The following NPM2 variants were observed in gnomAD, a reference collection of about 807,000 sequenced individuals.
The protein encoded by NPM2 is nucleoplasmin-2.
Under a neutral mutation model 32.0 loss-of-function variants are expected in NPM2, and 25 were observed. The observed-to-expected ratio is 0.78, with a 90% CI of 0.57 to 1.09. The LOEUF (loss-of-function observed/expected upper bound fraction) is 1.09, where lower values mean the gene tolerates loss of function less well. Among genes scored for constraint, NPM2 ranks in the 50% least tolerant of loss-of-function variants. The pLI, the probability that NPM2 is intolerant of heterozygous loss-of-function variation, is 0.00. For synonymous variants in NPM2, 111 were observed against 94.2 expected, an observed-to-expected ratio of 1.18 and a Z score of -1.04; for missense variants, 282 against 259.9, an observed-to-expected ratio of 1.08 and a Z score of -0.58.
intron 4 of NPM2, 56 bp downstream of exon 4, chr8:22,025,577 A>C (rs180812615): frequency 6.2e-6 from 10 of 1,613,724 alleles, no homozygotes; most frequent in Non-Finnish European, 6.8e-6. Context: ...TCTGGTCCCA[A>C]CGGAGGGCTA....
At chr8:22,025,014 C>T (rs1800185680) in intron 2 of NPM2, 184 bp downstream of exon 2, 1 of 544,028 alleles carries the variant, frequency 1.8e-6, no homozygotes, top group South Asian at 2.5e-5. Context: ...CCTGTACGCG[C>T]CCGGTCGAGC....
chr8:22,036,738 A>G lies in NPM2; in HGVS notation c.*56A>G. 6.7e-7 allele frequency: 1 copy of G among 1,491,618 alleles called. No individual in the cohort carries two copies. 92.4% of individuals were successfully genotyped at this position (1,491,618 alleles called of 1,614,324 possible). ...GTGGGCCTTCCCTGGGCTGTGCTGC[A>G]GGCACAGGGTGCCCCTGTCCAGCCC... On this transcript the variant is annotated 3_prime_UTR_variant, in exon 10 of 10. Coordinates refer to ENST00000518119, the MANE Select transcript of NPM2 (RefSeq NM_001286680.2).
rs377061270 is a variant in NPM2 at position 22,024,575 on chromosome 8, G to C, written c.-189G>C. 2 of 152,468 alleles carry C rather than the reference G, an allele frequency of 1.3e-5. No individual in the cohort carries two copies. Among genetic ancestry groups the C allele is most frequent in the African/African-American group, 4.8e-5 (2 of 41,474 alleles). The allele number at this position is 152,468 out of a possible 1,614,324, so 9.4% of individuals were successfully genotyped here. A position where few individuals can be genotyped will look rare whatever the true frequency, so the allele number is the denominator to read the frequency against. On this transcript the variant is annotated 5_prime_UTR_variant, in exon 1 of 10. Coordinates refer to ENST00000518119, the MANE Select transcript of NPM2 (RefSeq NM_001286680.2). ...CGGCCCCACCCAGACCGACGCCAAG[G>C]GCAGCTGTGGAGTGGGGCGCGGCAA...
intron 5 of NPM2, among the ~76,000 whole-genome samples, chr8:22,026,166 C>T (rs1308140422): frequency 1.3e-5 from 2 of 152,070 alleles, no homozygotes; most frequent in African/African-American, 4.8e-5. Context: ...GCTGTGCGTG[C>T]GAGGGGTCTA....
At chr8:22,026,150 T>C (rs75168684) in intron 5 of NPM2, among the ~76,000 whole-genome samples, 5,789 of 152,152 alleles carry the variant, frequency 0.038, 356 homozygotes, top group African/African-American at 0.13. Flanking sequence ...ATGAACCCTA[T>C]GGTAAGCTGT....
intron 5 of NPM2, among the ~76,000 whole-genome samples, 181 bp downstream of exon 5, chr8:22,025,953 T>G (rs1800236393): frequency 6.6e-6 from 1 of 152,092 alleles, no homozygotes; most frequent in Non-Finnish European, 1.5e-5. Flanking sequence ...TGTGTGACCT[T>G]GGGCCAGTTA....
chr8:22,031,403 C>T (rs971791447), intron 5 of NPM2, among the ~76,000 whole-genome samples: 1 of 152,182 alleles, frequency 6.6e-6, no homozygotes, highest in Non-Finnish European at 1.5e-5. Context: ...CTCCTCCTTG[C>T]CTGAGCCCAA....
rs775980336 is a variant in NPM2 at position 22,034,258 on chromosome 8, C to T, written c.514C>T (p.Gln172Ter). Residue 172 changes from glutamine (Q) to a stop codon, truncating the protein, a stop_gained, in exon 7 of 10, where the codon CAG (glutamine) becomes TAG (stop). Coordinates refer to ENST00000518119, the MANE Select transcript of NPM2 (RefSeq NM_001286680.2). LOFTEE classifies it high-confidence loss of function. ...AGTCAAAAGGCTGGTGCCCCAGAAG[C>T]AGGCGAGCGTGGCTAAGGTGGGGGA... is the stretch of plus-strand genomic sequence containing the variant. ...KQVKRLVPQKQASVAKKKKLE... is the reference protein window; with the variant it reads ...KQVKRLVPQK The T allele has an allele frequency of 8.8e-6, 14 of 1,596,708 alleles. No homozygotes were observed. In the South Asian group the frequency reaches 1.6e-4, roughly 18 times the overall value.
At chr8:22,025,831 G>C (rs1800231705) in intron 5 of NPM2, 59 bp downstream of exon 5, 25 of 1,605,504 alleles carry the variant, frequency 1.6e-5, no homozygotes, top group Admixed American at 5.0e-5. Context: ...CCCTTGGGTG[G>C]GGATGGACAC....
At chr8:22,030,158 G>A (rs1234542110) in intron 5 of NPM2, among the ~76,000 whole-genome samples, 3 of 152,098 alleles carry the variant, frequency 2.0e-5, no homozygotes, top group Non-Finnish European at 4.4e-5. Context: ...CTTATACTGG[G>A]TAATTCCTTC....
intron 2 of NPM2, 176 bp from the exon 3 acceptor site, chr8:22,025,040 C>G (rs1800187223): frequency 1.8e-6 from 1 of 568,892 alleles, no homozygotes; most frequent in Admixed American, 3.6e-5. Context: ...GCTGCGCACC[C>G]CGCTAGGAGG....
intron 7 of NPM2, 53 bp downstream of exon 7, chr8:22,034,328 C>T: frequency 6.6e-7 from 1 of 1,523,794 alleles, no homozygotes; most frequent in Non-Finnish European, 8.9e-7. Context: ...TACAGAAGCA[C>T]TTAAGAGGGG....
rs1373062789 is a variant in NPM2 at position 22,024,429 on chromosome 8, T to G, written c.-335T>G. 6.6e-6 allele frequency: 1 copy of G among 152,458 alleles called. No homozygotes were observed. Among genetic ancestry groups the G allele is most frequent in the African/African-American group, 2.4e-5 (1 of 41,470 alleles). The allele number at this position is 152,458 out of a possible 1,614,324, so 9.4% of individuals were successfully genotyped here. On this transcript the variant is annotated 5_prime_UTR_variant, in exon 1 of 10. Coordinates refer to ENST00000518119, the MANE Select transcript of NPM2 (RefSeq NM_001286680.2). ...GAGCTGAGGCTTCCTCTCCATGGGC[T>G]GGGGAGGGGGCGCCAGGAGGCCTCG...
At chr8:22,025,918 A>T in intron 5 of NPM2, 146 bp downstream of exon 5, 8 of 1,196,440 alleles carry the variant, frequency 6.7e-6, no homozygotes, top group South Asian at 4.2e-5. Context: ...GCCGGGGTCC[A>T]GCCCAGCTCA....
intron 5 of NPM2, 101 bp downstream of exon 5, chr8:22,025,873 G>A (rs887641199): frequency 1.1e-5 from 17 of 1,539,094 alleles, no homozygotes; most frequent in African/African-American, 1.1e-4. Context: ...ACAGAAATGA[G>A]CCATGCTAGG....
chr8:22,036,696 G>T lies in NPM2; in HGVS notation c.*14G>T, dbSNP rs990948760. 1.9e-6 allele frequency: 3 copies of T among 1,543,978 alleles called. No homozygotes were observed. Among genetic ancestry groups the T allele is most frequent in the African/African-American group, 2.8e-5 (2 of 72,292 alleles). On this transcript the variant is annotated 3_prime_UTR_variant, in exon 10 of 10. Transcript: ENST00000518119. ...TTCAAGAAATGAGGAGCCACGCCTT[G>T]GGGGGCACGGTGCAAAGTGGGCCTT...
intron 5 of NPM2, among the ~76,000 whole-genome samples, chr8:22,029,829 G>A (rs1442396034): frequency 6.6e-6 from 1 of 152,168 alleles, no homozygotes; most frequent in Non-Finnish European, 1.5e-5. Context: ...TCCTCAATCT[G>A]TCTGATTATT....
Position 22,034,275 on chromosome 8 carries a change from G to T in NPM2, c.531G>T (p.Lys177Asn). The change falls in exon 7 of 10, where the codon AAG (lysine) becomes AAT (asparagine). Residue 177 changes from lysine to asparagine, a missense_variant and splice_region_variant. By Grantham distance (94) the Lys-to-Asn change is moderately conservative (BLOSUM62 0). Transcript: ENST00000518119. ...LVPQKQASVA[K>N]KKKLEKEEEE... ...CCCAGAAGCAGGCGAGCGTGGCTAA[G>T]GTGGGGGAAGGAGCGTGGCTGTTTG... is the stretch of plus-strand genomic sequence containing the variant. 6.3e-7 allele frequency: 1 copy of T among 1,584,720 alleles called. No individual in the cohort carries two copies. The highest frequency in any genetic ancestry group is 1.2e-5 in the South Asian group (1 of 85,112).
In NPM2 at chr8:22,033,195, C is replaced by A. The variant is rs369710457; in HGVS notation, c.336C>A (p.Pro112=). The change falls in exon 6 of 10, where the codon CCC becomes CCA. Residue 112 remains proline, a synonymous_variant. Transcript: ENST00000518119. ...TCCAGCTCCGGGCTGGCTCAGGACC[C>A]GTGTTCCTCAGTGGCCAGGAACGTT... ...VTFQLRAGSG[P]VFLSGQERYE... is the part of the protein sequence containing the mutation. 6.2e-7 allele frequency: 1 copy of A among 1,614,100 alleles called. No individual in the cohort carries two copies. The highest frequency in any genetic ancestry group is 2.2e-5 in the East Asian group (1 of 44,868).
Sources: allele counts gnomAD v4.1 joint callset (sites outside exome capture counted in the v4.1 genomes callset), GRCh38; gene constraint gnomAD v4.1.1; transcripts MANE v1.5; gene names NCBI Gene and HGNC (gene_info 2026-07-23, HGNC 2026-07-21).